The following LMF1 variants were observed in gnomAD, a reference collection of about 807,000 sequenced individuals.
The protein encoded by LMF1 is transmembrane protein 112.
A neutral mutation model predicts 60.6 loss-of-function variants in LMF1; 68 were observed. The observed-to-expected ratio is 1.12, with a 90% CI of 0.92 to 1.37. The LOEUF (loss-of-function observed/expected upper bound fraction) is 1.37, where lower values mean the gene tolerates loss of function less well. LMF1 is among the 40% of genes most tolerant of loss of function. The pLI, the probability that LMF1 is intolerant of heterozygous loss-of-function variation, is 0.00. For missense variants in LMF1, 948 were observed against 767.2 expected (o/e 1.24, Z -2.78); for synonymous variants, 418 against 324.7 (o/e 1.29, Z -3.09).
intron 4 of LMF1, chr16:898,831 G>C (rs1430447312): frequency 6.6e-6 from 1 of 152,246 alleles, no homozygotes; most frequent in Admixed American, 6.5e-5. Flanking sequence ...AAATCAGACA[G>C]AGCAGATTTT....
intron 2 of LMF1, among the ~76,000 whole-genome samples, chr16:945,525 C>CA (rs72449666): frequency 0.39 from 55,625 of 143,270 alleles, 12,053 homozygotes; most frequent in African/African-American, 0.6. Context: ...GAGGCTGTCT[C>CA]AAAAAAAAAA....
At chr16:856,218 C>T (rs2069180514) in intron 10 of LMF1, among the ~76,000 whole-genome samples, 1 of 152,000 alleles carries the variant, frequency 6.6e-6, no homozygotes, top group African/African-American at 2.4e-5. Flanking sequence ...TTTCCTGGAC[C>T]CCTTGGGCCT....
At chr16:952,448 A>C (rs1306817508) in intron 2 of LMF1, 1 of 152,166 alleles carries the variant, frequency 6.6e-6, no homozygotes, top group African/African-American at 2.4e-5. Flanking sequence ...GCTGTGCTGG[A>C]GGCAGAGCAT....
At chr16:873,447 G>A (rs1272381026) in intron 6 of LMF1, 2 of 152,298 alleles carry the variant, frequency 1.3e-5, no homozygotes, top group African/African-American at 4.8e-5. Flanking sequence ...GGGCCCAAGA[G>A]ACGGAGCAGC....
In LMF1 at chr16:870,126, G is replaced by A. The variant is rs947854080; in HGVS notation, c.1233-60C>T. The A allele has an allele frequency of 2.6e-6, 4 of 1,542,960 alleles. No homozygotes were observed. In the African/African-American group the frequency reaches 4.1e-5, roughly 16 times the overall value. ...ACACACCGGCTGGGCCGAGTGGGGT[G>A]CATGGGTGGGGGGGGTTCCCCGACT... On this transcript the variant is annotated intron_variant, in intron 8 of 10. Coordinates refer to ENST00000262301, the MANE Select transcript of LMF1 (RefSeq NM_022773.4).
At chr16:902,163 C>G (rs1447535727) in intron 4 of LMF1, 2 of 152,558 alleles carry the variant, frequency 1.3e-5, no homozygotes, top group African/African-American at 4.8e-5. Flanking sequence ...GAGGGGAGCT[C>G]TGGGAGCCAG....
In LMF1 at chr16:854,301, G is replaced by T. The variant is rs75476513; in HGVS notation, c.*231C>A. 0.036 allele frequency: 24,597 copies of T among 686,486 alleles called. 527 individuals are homozygous for T. Among genetic ancestry groups the T allele is most frequent in the Middle Eastern group, 0.058 (155 of 2,682 alleles). 42.5% of individuals were successfully genotyped at this position (686,486 alleles called of 1,614,324 possible). A position where few individuals can be genotyped will look rare whatever the true frequency, so the allele number is the denominator to read the frequency against. On this transcript the variant is annotated 3_prime_UTR_variant, in exon 11 of 11. Coordinates refer to ENST00000262301, the MANE Select transcript of LMF1 (RefSeq NM_022773.4). ...TGGATGGGAGATCAGAGCCCCTGGC[G>T]CCTGGGACAAGGGTTGGCCTGGATG... is the stretch of plus-strand genomic sequence containing the variant.
At chr16:909,558 C>T (rs528714737) in intron 4 of LMF1, among the ~76,000 whole-genome samples, 2 of 152,188 alleles carry the variant, frequency 1.3e-5, no homozygotes, top group South Asian at 4.2e-4. Flanking sequence ...CAGAACCATG[C>T]TACACGCTAC....
chr16:856,957 C>A (rs994869764), intron 10 of LMF1, among the ~76,000 whole-genome samples: 1 of 152,268 alleles, frequency 6.6e-6, no homozygotes, highest in Non-Finnish European at 1.5e-5. Context: ...TGTCCTTCCA[C>A]ACCCTCCCCG....
intron 3 of LMF1, among the ~76,000 whole-genome samples, chr16:913,315 T>A (rs4984979): frequency 2.0e-5 from 3 of 151,808 alleles, no homozygotes; most frequent in Non-Finnish European, 2.9e-5. Flanking sequence ...CAGTAGCTCT[T>A]GTGGGGAACA....
At chr16:893,387 A>C in intron 4 of LMF1, 1 of 495,214 alleles carries the variant, frequency 2.0e-6, no homozygotes, top group Non-Finnish European at 4.0e-6. Context: ...GCGTGTCTTT[A>C]AAGAGGACAA....
Position 857,498 on chromosome 16 carries a change from G to GC in LMF1, c.1530-2793_1530-2792insG, listed in dbSNP as rs1196395664. Among the ~76,000 whole-genome samples the GC allele has an allele frequency of 1.7e-3, 179 of 106,534 alleles. 4 individuals carry two copies. The highest frequency in any genetic ancestry group is 6.6e-3 in the African/African-American group (163 of 24,690). The allele number at this position is 106,534 out of a possible 152,430, so 69.9% of individuals were successfully genotyped here. ...GTGAGTGGTGTCACCGGACGGGTGT[G>GC]AGTGGTGTCTCGGGACGGGTGTGAG... On this transcript the variant is annotated intron_variant, in intron 10 of 10. Transcript: ENST00000262301.
At chr16:895,615 C>T (rs182137393) in intron 4 of LMF1, among the ~76,000 whole-genome samples, 1 of 152,076 alleles carries the variant, frequency 6.6e-6, no homozygotes, top group Non-Finnish European at 1.5e-5. Flanking sequence ...ATGGGGCTCG[C>T]GAGACTGGCG....
At chr16:972,819 G>A (rs2073075973), upstream of LMF1, among the ~76,000 whole-genome samples, 2 of 152,232 alleles carry the variant, frequency 1.3e-5, no homozygotes, top group African/African-American at 4.8e-5. Context: ...ATTTGCCCAG[G>A]GTGGGAGCAG....
intron 1 of LMF1, among the ~76,000 whole-genome samples, chr16:978,616 A>G (rs1474894712): frequency 1.3e-5 from 2 of 152,066 alleles, no homozygotes; most frequent in African/African-American, 2.4e-5. Context: ...AGATTCCCCC[A>G]TCAGGGTATA....
chr16:886,275 G>A (rs1190537716), intron 5 of LMF1, among the ~76,000 whole-genome samples: 2 of 152,162 alleles, frequency 1.3e-5, no homozygotes, highest in African/African-American at 2.4e-5. Flanking sequence ...CCTTGGCTGC[G>A]TGGGTAGAAC....
chr16:874,399 G>C lies in LMF1; in HGVS notation c.898-3058C>G, dbSNP rs979119576. Among the ~76,000 whole-genome samples the C allele has an allele frequency of 1.3e-4, 20 of 152,262 alleles. No homozygotes were observed. The highest frequency in any genetic ancestry group is 1.2e-3 in the Admixed American group (19 of 15,310). On this transcript the variant is annotated intron_variant, in intron 6 of 10. Transcript: ENST00000262301. This position sits in a 1 kb window ranked among gnomAD's most constrained non-coding sequence, Gnocchi z 4.1. ...CAGCCCGCTGTGGGCAGGCGCCTCA[G>C]AGGTTCCAGACCTGAGCTCACCCCC...
chr16:959,109 G>T (rs1863051366), intron 1 of LMF1, among the ~76,000 whole-genome samples: 1 of 152,174 alleles, frequency 6.6e-6, no homozygotes, highest in Non-Finnish European at 1.5e-5. Context: ...TCGCACAGAA[G>T]CCTCATGCAG....
At chr16:895,764 C>T (rs1243361313) in intron 4 of LMF1, among the ~76,000 whole-genome samples, 1 of 152,224 alleles carries the variant, frequency 6.6e-6, no homozygotes, top group East Asian at 1.9e-4. Context: ...TACAGGAACA[C>T]CAAGCAACAG....
Sources: gnomAD v4.1 joint callset for allele counts (sites outside exome capture counted in the v4.1 genomes callset) on GRCh38, gnomAD v4.1.1 for gene constraint, Gnocchi (gnomAD v3.1) non-coding constraint, MANE v1.5 for transcripts, NCBI Gene and HGNC (gene_info 2026-07-23, HGNC 2026-07-21) for gene names.